The following CDH12 variants were observed in gnomAD, a reference collection of about 807,000 sequenced individuals.
The protein encoded by CDH12 is cadherin 12.
Under a neutral mutation model 74.1 loss-of-function variants are expected in CDH12, and 41 were observed. The observed-to-expected ratio is 0.55, with a 90% confidence interval of 0.43 to 0.72. The LOEUF (loss-of-function observed/expected upper bound fraction) is 0.72. CDH12 is among the 30% of genes least tolerant of loss of function. The pLI is 0.00. For missense variants in CDH12, 945 were observed against 977.2 expected (o/e 0.97, Z 0.44); for synonymous variants, 399 against 355.0 (o/e 1.12, Z -1.39).
intron 10 of CDH12, among the ~76,000 whole-genome samples, chr5:21,797,489 A>G (rs571076273): frequency 6.6e-6 from 1 of 152,260 alleles, no homozygotes; most frequent in South Asian, 2.1e-4. Flanking sequence ...CTCCAAGGAC[A>G]TGGAACAAAG....
At chr5:22,360,931 C>A (rs1740776716) in intron 3 of CDH12, among the ~76,000 whole-genome samples, 1 of 152,102 alleles carries the variant, frequency 6.6e-6, no homozygotes, top group Non-Finnish European at 1.5e-5. Flanking sequence ...GGATGTATCT[C>A]AAAATAATAA....
At chr5:22,687,819 A>G (rs1741890364) in intron 1 of CDH12, among the ~76,000 whole-genome samples, 1 of 152,244 alleles carries the variant, frequency 6.6e-6, no homozygotes, top group African/African-American at 2.4e-5. Flanking sequence ...AACATAAAAA[A>G]GATTATCTGA....
chr5:22,037,498 C>T (rs566591692), intron 5 of CDH12, among the ~76,000 whole-genome samples: 1 of 152,116 alleles, frequency 6.6e-6, no homozygotes, highest in Non-Finnish European at 1.5e-5. Context: ...CCAAGAGGCC[C>T]CAGATGGAAT....
At chr5:22,338,920 C>G (rs916883128) in intron 3 of CDH12, among the ~76,000 whole-genome samples, 1 of 152,104 alleles carries the variant, frequency 6.6e-6, no homozygotes, top group South Asian at 2.1e-4. Context: ...AAAGGTGACT[C>G]CCAGCTGACA....
chr5:22,609,271 A>C (rs985936071), intron 1 of CDH12, among the ~76,000 whole-genome samples: 3 of 152,140 alleles, frequency 2.0e-5, no homozygotes, highest in Admixed American at 6.5e-5. Flanking sequence ...ATGTATTTTA[A>C]TGTGTCACTC....
At chr5:21,820,406 A>T (rs779763757) in intron 8 of CDH12, among the ~76,000 whole-genome samples, 1 of 152,040 alleles carries the variant, frequency 6.6e-6, no homozygotes, top group Admixed American at 6.6e-5. Flanking sequence ...TGATTGATTT[A>T]CTAGCATTCC....
chr5:21,941,807 A>G (rs1447730846), intron 6 of CDH12, among the ~76,000 whole-genome samples: 1 of 128,074 alleles, frequency 7.8e-6, no homozygotes, highest in East Asian at 2.0e-4. Context: ...TGTGTGGCTG[A>G]CTTTTTTTTT....
At chr5:22,343,043 CG>C (rs984330564) in intron 3 of CDH12, among the ~76,000 whole-genome samples, 142 of 151,712 alleles carry the variant, frequency 9.4e-4, no homozygotes, top group African/African-American at 3.4e-3. Flanking sequence ...TTAGTAGAGA[CG>C]GGGTTTCACT....
intron 1 of CDH12, among the ~76,000 whole-genome samples, chr5:22,691,561 T>C (rs1292431122): frequency 2.0e-5 from 3 of 152,216 alleles, no homozygotes. Flanking sequence ...TGATTTCCAT[T>C]TCACAAAGTC....
intron 4 of CDH12, among the ~76,000 whole-genome samples, chr5:22,197,503 G>A (rs888170619): frequency 6.6e-6 from 1 of 151,994 alleles, no homozygotes; most frequent in Non-Finnish European, 1.5e-5. Flanking sequence ...ATATTGGCAA[G>A]GTAGATTTTG....
At chr5:21,772,306 A>G (rs1290671393) in intron 11 of CDH12, among the ~76,000 whole-genome samples, 2 of 152,096 alleles carry the variant, frequency 1.3e-5, no homozygotes, top group Non-Finnish European at 2.9e-5. Flanking sequence ...GATTTTCTTC[A>G]TTATTGGGAG....
At chr5:22,652,021 T>A (rs1739771359) in intron 1 of CDH12, among the ~76,000 whole-genome samples, 1 of 151,802 alleles carries the variant, frequency 6.6e-6, no homozygotes. Context: ...TGATAGATGG[T>A]TAAAACGTAG....
chr5:22,055,198 T>A (rs1343193722), intron 5 of CDH12, among the ~76,000 whole-genome samples: 5 of 152,144 alleles, frequency 3.3e-5, no homozygotes, highest in Admixed American at 3.3e-4. Flanking sequence ...GAGTGGGTTG[T>A]TGCAGTCAGC....
chr5:22,579,921 T>G (rs1739995701), intron 1 of CDH12, among the ~76,000 whole-genome samples: 1 of 152,176 alleles, frequency 6.6e-6, no homozygotes, highest in South Asian at 2.1e-4. Context: ...GCTGACCTTA[T>G]GCATTGACCT....
At chr5:21,859,796 G>C (rs1407976759) in intron 6 of CDH12, among the ~76,000 whole-genome samples, 1 of 151,972 alleles carries the variant, frequency 6.6e-6, no homozygotes, top group Non-Finnish European at 1.5e-5. Context: ...TACAGTGTTG[G>C]CTGGCATGAT....
At chr5:22,259,702 T>C (rs1247153741) in intron 3 of CDH12, among the ~76,000 whole-genome samples, 2 of 152,040 alleles carry the variant, frequency 1.3e-5, no homozygotes, top group Non-Finnish European at 2.9e-5. Context: ...AATTTCTTGA[T>C]CTGGAGGTAA....
At chr5:22,452,233 A>G (rs1011890436) in intron 2 of CDH12, among the ~76,000 whole-genome samples, 28 of 152,028 alleles carry the variant, frequency 1.8e-4, no homozygotes, top group African/African-American at 6.5e-4. Flanking sequence ...AAAAATTTCT[A>G]TGGAACCACA....
chr5:21,880,821 G>A (rs1040066998), intron 6 of CDH12, among the ~76,000 whole-genome samples: 5 of 151,528 alleles, frequency 3.3e-5, no homozygotes, highest in African/African-American at 7.3e-5. Flanking sequence ...ATTTTTGATC[G>A]TGAGAGAGAA....
chr5:22,138,373 A>C (rs1746578337), intron 4 of CDH12, among the ~76,000 whole-genome samples: 1 of 151,702 alleles, frequency 6.6e-6, no homozygotes, highest in Admixed American at 6.6e-5. Flanking sequence ...AGAAAGATTA[A>C]AACTATATTT....
Sources: gnomAD v4.1 joint callset for allele counts (sites outside exome capture counted in the v4.1 genomes callset) on GRCh38, gnomAD v4.1.1 for gene constraint, MANE v1.5 for transcripts, NCBI Gene and HGNC (gene_info 2026-07-23, HGNC 2026-07-21) for gene names.